VGLL4: variants seen among roughly 807,000 people sequenced by gnomAD.
VGLL4 encodes vestigial like family member 4, also known as transcription cofactor vestigial-like protein 4.
Under a neutral mutation model 21.0 loss-of-function variants are expected in VGLL4, and 7 were observed. The observed-to-expected ratio is 0.33, with a 90% CI of 0.19 to 0.63. VGLL4 has a LOEUF of 0.63. Among genes scored for constraint, VGLL4 ranks in the 20% least tolerant of loss-of-function variants. The pLI, the probability that VGLL4 is intolerant of heterozygous loss-of-function variation, is 0.78. For synonymous variants in VGLL4, 222 were observed against 173.2 expected (o/e 1.28, Z -2.21); for missense variants, 394 against 425.7 (o/e 0.93, Z 0.66).
chr3:11,604,165 T>C (rs903576169), intron 1 of VGLL4, among the ~76,000 whole-genome samples: 1 of 152,072 alleles, frequency 6.6e-6, no homozygotes, highest in African/African-American at 2.4e-5. Context: ...CACCAGGGAC[T>C]GTGACAGACG....
Position 11,569,034 on chromosome 3 carries a change from C to T in VGLL4, c.273-4015G>A, listed in dbSNP as rs759868820. The T allele has an allele frequency of 3.9e-4, 285 of 729,814 alleles. 1 individual carries two copies. The highest frequency in any genetic ancestry group is 4.5e-4 in the Non-Finnish European group (265 of 585,788). 45.2% of individuals were successfully genotyped at this position (729,814 alleles called of 1,614,324 possible). ...CTTTCTGAGTACTGAAAGCCACACG[C>T]TCTCTAAGCTAAGAAACCAAGAATG... On this transcript the variant is annotated intron_variant, in intron 2 of 4. Coordinates refer to ENST00000430365, the MANE Select transcript of VGLL4 (RefSeq NM_001128219.3).
intron 1 of VGLL4, among the ~76,000 whole-genome samples, chr3:11,706,665 C>T (rs557551235): frequency 6.6e-6 from 1 of 152,334 alleles, no homozygotes; most frequent in Admixed American, 6.5e-5. Flanking sequence ...CCCAGGCAGT[C>T]ACTCTCCTCT....
intron 1 of VGLL4, among the ~76,000 whole-genome samples, chr3:11,628,492 T>C (rs2075402698): frequency 1.3e-5 from 2 of 152,196 alleles, no homozygotes; most frequent in South Asian, 4.1e-4. Flanking sequence ...TTTAAATGTT[T>C]TCCCAAATAT....
intron 2 of VGLL4, among the ~76,000 whole-genome samples, chr3:11,701,150 T>C (rs1486408017): frequency 1.3e-5 from 2 of 152,124 alleles, no homozygotes; most frequent in Non-Finnish European, 1.5e-5. Flanking sequence ...CAAGGCCTAG[T>C]ATGAGGTGTT....
intron 2 of VGLL4, among the ~76,000 whole-genome samples, chr3:11,696,867 T>C (rs2076613018): frequency 1.3e-5 from 2 of 152,066 alleles, no homozygotes; most frequent in Admixed American, 6.6e-5. Context: ...GCCTCCCGAG[T>C]AGCTGGGACC....
intron 1 of VGLL4, among the ~76,000 whole-genome samples, chr3:11,605,399 C>A (rs2074916990): frequency 6.7e-6 from 1 of 150,184 alleles, no homozygotes; most frequent in African/African-American, 2.5e-5. Flanking sequence ...CTGCAGACTT[C>A]TTCTGCATTC....
chr3:11,716,820 T>C (rs2076925148), intron 1 of VGLL4, among the ~76,000 whole-genome samples: 1 of 152,098 alleles, frequency 6.6e-6, no homozygotes, highest in Admixed American at 6.6e-5. Flanking sequence ...GGGTGGTTTA[T>C]GTGGACAGAT....
intron 2 of VGLL4, among the ~76,000 whole-genome samples, chr3:11,592,849 C>T (rs755360995): frequency 4.6e-5 from 7 of 152,188 alleles, no homozygotes; most frequent in African/African-American, 9.6e-5. Context: ...ATAAAACGAT[C>T]GTGCCCATGA....
chr3:11,701,539 G>C (rs1323259519), intron 2 of VGLL4, among the ~76,000 whole-genome samples: 5 of 152,200 alleles, frequency 3.3e-5, no homozygotes, highest in African/African-American at 1.2e-4. Context: ...AGGAGAGAGG[G>C]CAAGGCAGTC....
intron 1 of VGLL4, among the ~76,000 whole-genome samples, chr3:11,704,885 A>C (rs1416739423): frequency 6.6e-6 from 1 of 152,226 alleles, no homozygotes; most frequent in Non-Finnish European, 1.5e-5. Context: ...CTACAGAAAT[A>C]ACAGATGAAT....
intron 1 of VGLL4, among the ~76,000 whole-genome samples, chr3:11,606,221 GC>G (rs1365645433): frequency 6.6e-6 from 1 of 152,128 alleles, no homozygotes; most frequent in African/African-American, 2.4e-5. Flanking sequence ...GGGGGAAACC[GC>G]CCCCACGATT....
rs982862231 is a variant in VGLL4 at position 11,557,600 on chromosome 3, C to G, written c.*956G>C. The G allele has an allele frequency of 2.8e-4, 43 of 152,662 alleles. No homozygotes were observed. Among genetic ancestry groups the G allele is most frequent in the African/African-American group, 9.9e-4 (41 of 41,462 alleles). 9.5% of individuals were successfully genotyped at this position (152,662 alleles called of 1,614,324 possible). A position where few individuals can be genotyped will look rare whatever the true frequency, so the allele number is the denominator to read the frequency against. ...AATATCAAATACCAATCTTAGAGTACAACTGTACCAGCAGTAAGTATATCT... is the reference window on the plus strand; with the variant it reads ...AATATCAAATACCAATCTTAGAGTAGAACTGTACCAGCAGTAAGTATATCT... On this transcript the variant is annotated 3_prime_UTR_variant, in exon 5 of 5. Transcript: ENST00000430365.
At chr3:11,618,450 G>T (rs998748988) in intron 1 of VGLL4, among the ~76,000 whole-genome samples, 11 of 152,134 alleles carry the variant, frequency 7.2e-5, no homozygotes, top group Admixed American at 6.5e-4. Context: ...TCATACATGG[G>T]TAAGTAATTA....
intron 2 of VGLL4, among the ~76,000 whole-genome samples, chr3:11,655,753 G>A (rs562362436): frequency 1.3e-5 from 2 of 152,254 alleles, no homozygotes; most frequent in Non-Finnish European, 1.5e-5. Flanking sequence ...TGGTGGCGGG[G>A]GGTTTCTAGT....
intron 1 of VGLL4, among the ~76,000 whole-genome samples, chr3:11,632,071 C>A (rs2075489653): frequency 6.6e-6 from 1 of 152,138 alleles, no homozygotes; most frequent in Admixed American, 6.5e-5. Flanking sequence ...ACCTGTCATC[C>A]CAGCACTTTG....
At chr3:11,685,798 G>A (rs1470159671) in intron 2 of VGLL4, among the ~76,000 whole-genome samples, 1 of 152,064 alleles carries the variant, frequency 6.6e-6, no homozygotes, top group African/African-American at 2.4e-5. Context: ...GCGGTGGTGA[G>A]CTATGATCAC....
intron 4 of VGLL4, 106 bp from the exon 5 acceptor site, chr3:11,558,933 C>CG: frequency 7.4e-7 from 1 of 1,357,116 alleles, no homozygotes; most frequent in East Asian, 2.5e-5. Context: ...CTGGCTGCCA[C>CG]GGTCAGCGTG....
At chr3:11,634,892 A>C (rs1422206387) in intron 1 of VGLL4, among the ~76,000 whole-genome samples, 1 of 152,140 alleles carries the variant, frequency 6.6e-6, no homozygotes, top group African/African-American at 2.4e-5. Context: ...GGCAGGTCTC[A>C]AACTCCTGAG....
chr3:11,616,400 C>A (rs1420170810), intron 1 of VGLL4, among the ~76,000 whole-genome samples: 1 of 152,094 alleles, frequency 6.6e-6, no homozygotes, highest in African/African-American at 2.4e-5. Flanking sequence ...AACATTTTCA[C>A]ATGGCTAGGA....
Sources: gnomAD v4.1 joint callset for allele counts (sites outside exome capture counted in the v4.1 genomes callset) on GRCh38, gnomAD v4.1.1 for gene constraint, MANE v1.5 for transcripts, NCBI Gene and HGNC (gene_info 2026-07-23, HGNC 2026-07-21) for gene names.